NCOR2: variants seen among roughly 807,000 people sequenced by gnomAD.
The protein encoded by NCOR2 is CTG repeat protein 26.
A neutral mutation model predicts 262.9 loss-of-function variants in NCOR2; 81 were observed. That is an observed-to-expected ratio of 0.31 (90% CI 0.26 to 0.37). The LOEUF is 0.37. NCOR2 is among the 10% of genes least tolerant of loss of function. The pLI is 1.00. For missense variants in NCOR2, 3,385 were observed against 3,621.4 expected, an observed-to-expected ratio of 0.93 and a Z score of 1.68; for synonymous variants, 1,659 against 1,559.3, an observed-to-expected ratio of 1.06 and a Z score of -1.51.
At position 124,428,090 on chromosome 12, in the gene NCOR2, C is replaced by CGTGTGTGTGTGTGT. The variant is rs1412280487; in HGVS notation, c.1150-1291_1150-1290insACACACACACACAC. Among the ~76,000 whole-genome samples, 460 of 138,076 alleles carry CGTGTGTGTGTGTGT rather than the reference C, an allele frequency of 3.3e-3. 6 individuals carry two copies. The highest frequency in any genetic ancestry group is 8.4e-3 in the African/African-American group (283 of 33,648). The allele number at this position is 138,076 out of a possible 152,430, so 90.6% of individuals were successfully genotyped here. ...GTGTGTGTGTGTGTGTGTGTGTGTA[C>CGTGTGTGTGTGTGT]ATGCAACAATCAGCCCAGGTGCCAC... On this transcript the variant is annotated intron_variant, in intron 10 of 46. Transcript: ENST00000405201.
At chr12:124,451,984 G>T (rs892494462) in intron 6 of NCOR2, among the ~76,000 whole-genome samples, 1 of 152,170 alleles carries the variant, frequency 6.6e-6, no homozygotes, top group Non-Finnish European at 1.5e-5. Context: ...GCAATTCCAG[G>T]CTCCTGCTCA....
intron 22 of NCOR2, among the ~76,000 whole-genome samples, chr12:124,361,308 G>A (rs891749466): frequency 6.6e-6 from 1 of 152,208 alleles, no homozygotes; most frequent in Admixed American, 6.5e-5. Context: ...CTAGCCCAGG[G>A]TGGGGAACCT....
In NCOR2 at chr12:124,340,454, C is replaced by G. The variant is rs2135817632; in HGVS notation, c.5339-11G>C. 1 of 1,610,828 alleles carries G rather than the reference C, an allele frequency of 6.2e-7. No individual in the cohort carries two copies. The highest frequency in any genetic ancestry group is 1.3e-5 in the African/African-American group (1 of 75,046). On this transcript the variant is annotated splice_polypyrimidine_tract_variant and intron_variant, in intron 35 of 46. Coordinates refer to ENST00000405201, the Ensembl canonical transcript of NCOR2. ...AGTGTGTTGGACCTCCTAGGAAACC[C>G]AAAGGCCAGAGACTCAGCCCCAGGG...
At chr12:124,343,099 C>A (rs201828377) in exon 33 of NCOR2, 1 of 1,612,498 alleles carries the variant, frequency 6.2e-7, no homozygotes, top group Non-Finnish European at 8.5e-7. Flanking sequence ...CGCCCCGAAG[C>A]AGGTGCTCAT....
In NCOR2 at chr12:124,362,333, G is replaced by A. The variant is rs774460500; in HGVS notation, c.2929-36C>T. 21 of 1,332,080 alleles carry A rather than the reference G, an allele frequency of 1.6e-5. No individual in the cohort carries two copies. The East Asian group carries it at 4.3e-4, about 27-fold the overall frequency. 82.5% of individuals were successfully genotyped at this position (1,332,080 alleles called of 1,614,324 possible). ...CAGGCAGAAGTGAGCATTCACAGAGGGTGTCTGAAAGTGACAGGGTCAGGG... is the reference window on the plus strand; with the variant it reads ...CAGGCAGAAGTGAGCATTCACAGAGAGTGTCTGAAAGTGACAGGGTCAGGG... On this transcript the variant is annotated intron_variant, in intron 21 of 46. Coordinates refer to ENST00000405201, the Ensembl canonical transcript of NCOR2.
intron 13 of NCOR2, among the ~76,000 whole-genome samples, chr12:124,406,310 T>C (rs1263921336): frequency 6.6e-6 from 1 of 152,214 alleles, no homozygotes; most frequent in Non-Finnish European, 1.5e-5. Flanking sequence ...CAGGCCAGTG[T>C]TACCCACACC....
chr12:124,500,029 T>TGTGCCTGTGGCATACCGAGAG (rs1034451905), upstream of NCOR2, among the ~76,000 whole-genome samples: 1 of 152,130 alleles, frequency 6.6e-6, no homozygotes, highest in Non-Finnish European at 1.5e-5. Context: ...GCGAGGACCC[T>TGTGCCTGTGGCATACCGAGAG]GTGCCTGTGG....
In NCOR2 at chr12:124,493,634, C is replaced by T. The variant is rs183546873; in HGVS notation, c.105+1513G>A. ...TCAGGGGAATGCACACAACCATATA[C>T]ACTCAGGGCTTTGAACAACATTTGA... On this transcript the variant is annotated intron_variant, in intron 1 of 46. Transcript: ENST00000405201. Among the ~76,000 whole-genome samples, 84 of 152,308 alleles carry T rather than the reference C, an allele frequency of 5.5e-4. 1 individual carries two copies. The highest frequency in any genetic ancestry group is 7.9e-4 in the Non-Finnish European group (54 of 68,026).
In NCOR2 at chr12:124,529,009, G is replaced by C. The variant is rs544819026; in HGVS notation, c.-118+6556C>G. ...AGCCTGGCCAACACAGAGAAACCCC[G>C]TCTCTACTAAAAATACAAAATTAGC... On this transcript the variant is annotated intron_variant, in intron 1 of 46. Transcript: ENST00000404621. 7.9e-5 allele frequency among the ~76,000 whole-genome samples: 12 copies of C among 152,106 alleles called. No individual in the cohort carries two copies. In the South Asian group the frequency reaches 2.1e-3, roughly 26 times the overall value.
At chr12:124,355,051 G>T in intron 24 of NCOR2, 112 bp from the exon 27 acceptor site, 1 of 863,214 alleles carries the variant, frequency 1.2e-6, no homozygotes, top group Non-Finnish European at 1.8e-6. Context: ...GGCTGGGGCT[G>T]CTGTCCAGCT....
chr12:124,473,192 C>T (rs1204018518), intron 3 of NCOR2, 61 bp from the exon 6 acceptor site: 1 of 1,582,440 alleles, frequency 6.3e-7, no homozygotes, highest in Admixed American at 1.7e-5. Context: ...GTCTGTACAA[C>T]CCTGTGATGG....
chr12:124,525,577 C>T (rs1566025542), intron 1 of NCOR2, among the ~76,000 whole-genome samples: 2 of 152,370 alleles, frequency 1.3e-5, no homozygotes, highest in East Asian at 1.9e-4. Context: ...AGATGTCCCA[C>T]GTCCTGACCA....
At chr12:124,436,508 C>T (rs1160115215) in intron 8 of NCOR2, among the ~76,000 whole-genome samples, 1 of 152,236 alleles carries the variant, frequency 6.6e-6, no homozygotes, top group Non-Finnish European at 1.5e-5. Flanking sequence ...TTCAGGGCCT[C>T]CCCAGCCTTA....
At chr12:124,559,695 G>C (rs1255254031) in intron 1 of NCOR2, among the ~76,000 whole-genome samples, 1 of 152,058 alleles carries the variant, frequency 6.6e-6, no homozygotes, top group East Asian at 1.9e-4. Context: ...TCAGGGCAAA[G>C]GGAAAAAAAA....
intron 16 of NCOR2, chr12:124,388,918 G>C (rs2041051892): frequency 1.0e-6 from 1 of 996,706 alleles, no homozygotes. Flanking sequence ...GGGACGCGGC[G>C]GGCGGAGGCT....
intron 37 of NCOR2, 27 bp from the exon 40 acceptor site, chr12:124,337,207 CA>C (rs781168771): frequency 2.8e-4 from 426 of 1,547,084 alleles, no homozygotes; most frequent in Non-Finnish European, 3.6e-4. Flanking sequence ...GGCGGTCAGG[CA>C]GTCATGGGAG....
chr12:124,462,631 G>A (rs112593776), intron 5 of NCOR2, among the ~76,000 whole-genome samples: 5,155 of 152,312 alleles, frequency 0.034, 100 homozygotes, highest in Middle Eastern at 0.054. Flanking sequence ...CAGAGGTGGG[G>A]GCCTGGCCCA....
rs541953870 is a variant in NCOR2 at position 124,504,971 on chromosome 12, G to A, written c.-117-9603C>T. Among the ~76,000 whole-genome samples, 8 of 152,298 alleles carry A rather than the reference G, an allele frequency of 5.3e-5. No homozygotes were observed. In the East Asian group the frequency reaches 5.8e-4, roughly 11 times the overall value. ...GACAGAGGTGGTGGTTGCACAACCC[G>A]TGAATGTCCTAAATGCAAACTAATT... is the stretch of plus-strand genomic sequence containing the variant. On this transcript the variant is annotated intron_variant, in intron 1 of 46. Coordinates refer to the NCOR2 transcript ENST00000404621. This position sits in a 1 kb window ranked among gnomAD's most constrained non-coding sequence, Gnocchi z 4.5.
chr12:124,325,382 C>CCCCCA (rs1555297247), exon 47 of NCOR2: 2 of 412,908 alleles, frequency 4.8e-6, no homozygotes, highest in African/African-American at 2.8e-5. Flanking sequence ...ACACCGCCCC[C>CCCCCA]CCCCCCGCCC....
Sources: gnomAD v4.1 joint callset for allele counts (sites outside exome capture counted in the v4.1 genomes callset) on GRCh38, gnomAD v4.1.1 for gene constraint, Gnocchi (gnomAD v3.1) non-coding constraint, MANE v1.5 for transcripts, NCBI Gene and HGNC (gene_info 2026-07-23, HGNC 2026-07-21) for gene names.